The following ADD3 variants were observed in gnomAD, a reference collection of about 807,000 sequenced individuals.
ADD3 encodes the protein gamma-adducin.
In ADD3, 25 loss-of-function variants were observed where a neutral mutation model predicts 80.2. The observed-to-expected ratio is 0.31, with a 90% CI of 0.23 to 0.44. ADD3 has a LOEUF of 0.44. Among genes scored for constraint, ADD3 ranks in the 20% least tolerant of loss-of-function variants. The pLI, the probability that ADD3 is intolerant of heterozygous loss-of-function variation, is 1.00. For synonymous variants in ADD3, 284 were observed against 289.6 expected (o/e 0.98, Z 0.20); for missense variants, 829 against 847.5 (o/e 0.98, Z 0.27).
chr10:110,130,565 A>G lies in ADD3; in HGVS notation c.1732+79A>G, dbSNP rs1165426894. ...TACCTCACGTTGGATGATAGAAAGCAGTCAGTGTGGCCGGGCACAATGGCT... is the reference window on the plus strand; with the variant it reads ...TACCTCACGTTGGATGATAGAAAGCGGTCAGTGTGGCCGGGCACAATGGCT... On this transcript the variant is annotated intron_variant, in intron 13 of 14. Transcript: ENST00000356080. The G allele has an allele frequency of 1.1e-5, 16 of 1,503,922 alleles. No individual in the cohort carries two copies. The East Asian group carries it at 3.7e-4, about 35-fold the overall frequency. 93.2% of individuals were successfully genotyped at this position (1,503,922 alleles called of 1,614,324 possible).
intron 1 of ADD3, among the ~76,000 whole-genome samples, chr10:110,051,325 T>C (rs1222206294): frequency 6.6e-6 from 1 of 152,220 alleles, no homozygotes; most frequent in African/African-American, 2.4e-5. Flanking sequence ...ATTTAAAATG[T>C]TGATGAGGAT....
intron 1 of ADD3, among the ~76,000 whole-genome samples, chr10:110,084,676 T>C (rs1846482857): frequency 6.6e-6 from 1 of 152,216 alleles, no homozygotes; most frequent in Non-Finnish European, 1.5e-5. Context: ...CCTTTTAAGC[T>C]CTAACATCTT....
At chr10:110,122,859 T>G (rs1851691833) in intron 9 of ADD3, among the ~76,000 whole-genome samples, 1 of 152,078 alleles carries the variant, frequency 6.6e-6, no homozygotes, top group South Asian at 2.1e-4. Flanking sequence ...CTTGAATTCC[T>G]GGGCTCAAGC....
intron 3 of ADD3, among the ~76,000 whole-genome samples, chr10:110,115,103 G>C (rs1018680328): frequency 4.7e-5 from 7 of 150,428 alleles, no homozygotes; most frequent in Non-Finnish European, 8.9e-5. Context: ...AAAAAAAAAG[G>C]GTGGGGCCAG....
At chr10:110,065,538 C>CTTTTTTTTTTTTTTTTTTTTT (rs1843804683) in intron 1 of ADD3, among the ~76,000 whole-genome samples, 1 of 11,744 alleles carries the variant, frequency 8.5e-5, no homozygotes, top group African/African-American at 1.5e-4. Flanking sequence ...CTCTCTCTCC[C>CTTTTTTTTTTTTTTTTTTTTT]CTTTTTTTTT....
At chr10:110,003,758 T>C (rs1002697257), upstream of ADD3, among the ~76,000 whole-genome samples, 5 of 152,160 alleles carry the variant, frequency 3.3e-5, no homozygotes, top group African/African-American at 9.7e-5. Flanking sequence ...CTGTTGAGAT[T>C]TGTGGCTACA....
At chr10:110,062,489 AG>A (rs1457312687) in intron 1 of ADD3, among the ~76,000 whole-genome samples, 1 of 151,274 alleles carries the variant, frequency 6.6e-6, no homozygotes, top group Non-Finnish European at 1.5e-5. Context: ...GCTGAGGTGG[AG>A]GATTGCTTGA....
intron 8 of ADD3, 175 bp from the exon 9 acceptor site, chr10:110,121,935 G>A (rs1323001667): frequency 4.1e-6 from 2 of 486,728 alleles, no homozygotes; most frequent in African/African-American, 2.0e-5. Flanking sequence ...TCAGATAGGT[G>A]GAAAAGATAC....
At chr10:110,044,984 C>G (rs555685214) in intron 1 of ADD3, among the ~76,000 whole-genome samples, 1 of 152,194 alleles carries the variant, frequency 6.6e-6, no homozygotes, top group Non-Finnish European at 1.5e-5. Flanking sequence ...TGAGGAAGAA[C>G]GTCAGTTATT....
chr10:110,032,096 G>C (rs1193450373), intron 1 of ADD3, among the ~76,000 whole-genome samples: 1 of 152,086 alleles, frequency 6.6e-6, no homozygotes, highest in Non-Finnish European at 1.5e-5. Flanking sequence ...TAAATGCCAG[G>C]AATATCAAAT....
Position 110,119,221 on chromosome 10 carries a change from T to C in ADD3, c.728T>C (p.Met243Thr), listed in dbSNP as rs1045849873. 2.5e-6 allele frequency: 4 copies of C among 1,614,140 alleles called. No individual in the cohort carries two copies. Among genetic ancestry groups the C allele is most frequent in the Admixed American group, 1.7e-5 (1 of 60,024 alleles). The change falls in exon 7 of 15, where the codon ATG (methionine) becomes ACG (threonine). Residue 243 changes from methionine to threonine, a missense_variant. Transcript: ENST00000356080. Reference protein sequence around the residue: ...HTLATAAVSSMKCGILPISQE... With the variant: ...HTLATAAVSSTKCGILPISQE... Reference sequence around the variant, plus strand: ...GGCCAAACCAAATAGGTATCCTCCATGAAATGTGGGATCCTTCCAATTTCT... The same window carrying C: ...GGCCAAACCAAATAGGTATCCTCCACGAAATGTGGGATCCTTCCAATTTCT...
chr10:110,121,517 A>T (rs984145717), intron 8 of ADD3, among the ~76,000 whole-genome samples: 1 of 152,158 alleles, frequency 6.6e-6, no homozygotes, highest in Non-Finnish European at 1.5e-5. Flanking sequence ...GCAAATTCTC[A>T]TGAAGCAAAT....
At chr10:109,998,327 T>C (rs1308138500) in intron 1 of ADD3, among the ~76,000 whole-genome samples, 1 of 152,178 alleles carries the variant, frequency 6.6e-6, no homozygotes, top group African/African-American at 2.4e-5. Context: ...TTTCTCTCCT[T>C]TTCTGCACTC....
rs751092405 is a variant in ADD3 at position 110,084,639 on chromosome 10, A to G, written c.-29-15986A>G. The stretch of plus-strand genomic sequence containing the variant: ...CCTTTCTCCATATGAGAAATGAGGT[A>G]GAATAAGATTTGATAATATCTTACA... On this transcript the variant is annotated intron_variant, in intron 1 of 14. Coordinates refer to ENST00000356080, the MANE Select transcript of ADD3 (RefSeq NM_016824.5). 9.9e-5 allele frequency among the ~76,000 whole-genome samples: 15 copies of G among 152,240 alleles called. No homozygotes were observed. The South Asian group carries it at 1.0e-3, about 10-fold the overall frequency.
At chr10:110,108,585 T>G (rs528723682) in intron 2 of ADD3, among the ~76,000 whole-genome samples, 5 of 152,262 alleles carry the variant, frequency 3.3e-5, no homozygotes, top group African/African-American at 7.2e-5. Context: ...AATTTTTATC[T>G]TAATATTTTA....
chr10:110,040,424 G>A (rs558606197), intron 1 of ADD3, among the ~76,000 whole-genome samples: 127 of 152,248 alleles, frequency 8.3e-4, no homozygotes, highest in African/African-American at 3.0e-3. Flanking sequence ...ATTTAGTTTG[G>A]CCAATTAATA....
intron 1 of ADD3, among the ~76,000 whole-genome samples, chr10:110,060,101 G>A (rs1564908445): frequency 1.3e-5 from 2 of 152,328 alleles, no homozygotes; most frequent in East Asian, 1.9e-4. Flanking sequence ...TTTAGACTGC[G>A]ACTTCCTGTT....
chr10:110,111,806 A>G (rs989519259), intron 2 of ADD3, among the ~76,000 whole-genome samples: 12 of 151,898 alleles, frequency 7.9e-5, no homozygotes, highest in Admixed American at 6.6e-4. Flanking sequence ...CCAGCTACTC[A>G]GGAGGCTGAG....
chr10:110,038,439 A>G (rs1395883538), intron 1 of ADD3, among the ~76,000 whole-genome samples: 2 of 152,220 alleles, frequency 1.3e-5, no homozygotes, highest in Non-Finnish European at 2.9e-5. Context: ...CAGCGTAAAA[A>G]CAATTTTGTA....
Sources: allele counts gnomAD v4.1 joint callset (sites outside exome capture counted in the v4.1 genomes callset), GRCh38; gene constraint gnomAD v4.1.1; transcripts MANE v1.5; gene names NCBI Gene and HGNC (gene_info 2026-07-23, HGNC 2026-07-21).